P3H4: variants seen among roughly 807,000 people sequenced by gnomAD.
P3H4 encodes endoplasmic reticulum protein SC65.
In P3H4, 47 loss-of-function variants were observed where a neutral mutation model predicts 52.9. The observed-to-expected ratio is 0.89, with a 90% confidence interval of 0.70 to 1.13. The LOEUF (loss-of-function observed/expected upper bound fraction) is 1.13. Ranked by LOEUF, P3H4 falls within the 50% of genes most tolerant of loss-of-function variation. The pLI is 0.00. For missense variants in P3H4, 585 were observed against 611.0 expected (o/e 0.96, Z 0.45); for synonymous variants, 256 against 267.9 (o/e 0.96, Z 0.44).
chr17:41,811,339 C>G lies in P3H4; in HGVS notation c.463-55G>C. The G allele has an allele frequency of 6.2e-7, 1 of 1,608,490 alleles. No individual in the cohort carries two copies. Among genetic ancestry groups the G allele is most frequent in the Non-Finnish European group, 8.5e-7 (1 of 1,177,428 alleles). On this transcript the variant is annotated intron_variant, in intron 1 of 7. Coordinates refer to ENST00000393928, the MANE Select transcript of P3H4 (RefSeq NM_006455.3). The surrounding 1 kb of genome is among the most constrained non-coding windows in gnomAD (Gnocchi z 4.8). The stretch of plus-strand genomic sequence containing the variant: ...GGTCAGCAAGACCGGAGCTCGCGGC[C>G]CCGAGCGCACGGCGGGCTTCGTGCC...
intron 6 of P3H4, among the ~76,000 whole-genome samples, chr17:41,804,159 G>A (rs1405915427): frequency 2.0e-5 from 3 of 151,800 alleles, no homozygotes; most frequent in Admixed American, 2.0e-4. Flanking sequence ...CACCGTGTTA[G>A]CCAGGATGGT....
intron 4 of P3H4, 80 bp from the exon 5 acceptor site, chr17:41,808,084 C>A: frequency 1.3e-6 from 2 of 1,512,762 alleles, no homozygotes; most frequent in Non-Finnish European, 1.8e-6. Context: ...AGTCCAGCAC[C>A]CCTGCTACCC....
At chr17:41,804,889 C>T (rs1255804072) in intron 6 of P3H4, among the ~76,000 whole-genome samples, 1 of 151,974 alleles carries the variant, frequency 6.6e-6, no homozygotes, top group Non-Finnish European at 1.5e-5. Context: ...AGGAGGATCT[C>T]TTCAACCCAA....
chr17:41,804,834 C>CAAAATAAA, intron 6 of P3H4, among the ~76,000 whole-genome samples: 1 of 151,464 alleles, frequency 6.6e-6, no homozygotes, highest in Non-Finnish European at 1.5e-5. Flanking sequence ...ATTGGCTGGA[C>CAAAATAAA]ATGGTGGCGC....
chr17:41,806,842 C>T lies in P3H4; in HGVS notation c.1100G>A (p.Arg367Gln), dbSNP rs782133230. The T allele has an allele frequency of 5.0e-6, 8 of 1,613,802 alleles. No individual in the cohort carries two copies. In the East Asian group the frequency reaches 6.7e-5, roughly 13 times the overall value. The change falls in exon 6 of 8, where the codon CGG (arginine) becomes CAG (glutamine). Residue 367 changes from arginine (R) to glutamine (Q), a missense_variant. Transcript: ENST00000393928. Reference protein sequence around the residue: ...MLYHNQTAELRELLEFTHMYL... With the variant: ...MLYHNQTAELQELLEFTHMYL... Reference sequence around the variant, plus strand: ...CATGTGGGTGAACTCCAGCAGCTCCCGCAGCTCGGCGGTCTGGTTGTGGTA... The same window carrying T: ...CATGTGGGTGAACTCCAGCAGCTCCTGCAGCTCGGCGGTCTGGTTGTGGTA...
At position 41,811,809 on chromosome 17, in the gene P3H4, A is replaced by C; in HGVS notation, c.107T>G (p.Leu36Arg). 1 of 1,537,396 alleles carries C rather than the reference A, an allele frequency of 6.5e-7. No individual in the cohort carries two copies. Among genetic ancestry groups the C allele is most frequent in the Non-Finnish European group, 8.7e-7 (1 of 1,153,594 alleles). The change falls in exon 1 of 8, where the codon CTG (leucine) becomes CGG (arginine). Residue 36 changes from leucine to arginine, a missense_variant. Transcript: ENST00000393928. The surrounding 1 kb of genome is among the most constrained non-coding windows in gnomAD (Gnocchi z 4.8). ...CAGAGCGTGCCCGTACGCCGCGGCCAGCGGCATCAGGTCCTCGGGCGGGAA... is the reference window on the plus strand; with the variant it reads ...CAGAGCGTGCCCGTACGCCGCGGCCCGCGGCATCAGGTCCTCGGGCGGGAA... ...RGFPPEDLMP[L>R]AAAYGHALEQ...
rs782598512 is a variant in P3H4 at position 41,803,020 on chromosome 17, C to T, written c.1292-41G>A. 3.1e-6 allele frequency: 5 copies of T among 1,604,802 alleles called. No homozygotes were observed. In the Admixed American group the frequency reaches 8.8e-5, roughly 28 times the overall value. ...GAAAGCACTGGGGTTGCTCCCCCAC[C>T]CACTCCCAATGGGTGTCCAGGTGCT... On this transcript the variant is annotated intron_variant, in intron 7 of 7. Coordinates refer to ENST00000393928, the MANE Select transcript of P3H4 (RefSeq NM_006455.3).
rs781827205 is a variant in P3H4, at chr17:41,811,656, G to A, written c.260C>T (p.Ala87Val). ...HANCSGPAPA[A>V]KPDPDGGRAD... ...GCGGCCGCCGTCGGGATCGGGCTTGGCCGCGGGCGCGGGGCCGCTGCAGTT... is the reference window on the plus strand; with the variant it reads ...GCGGCCGCCGTCGGGATCGGGCTTGACCGCGGGCGCGGGGCCGCTGCAGTT... Residue 87 changes from alanine to valine, a missense_variant, in exon 1 of 8, where the codon GCC (alanine) becomes GTC (valine). Ala to Val is a moderately conservative substitution (Grantham distance 64). Coordinates refer to ENST00000393928, the MANE Select transcript of P3H4 (RefSeq NM_006455.3). The surrounding 1 kb of genome is among the most constrained non-coding windows in gnomAD (Gnocchi z 4.8). The A allele has an allele frequency of 2.5e-4, 354 of 1,431,402 alleles. No individual in the cohort carries two copies. Among genetic ancestry groups the A allele is most frequent in the Non-Finnish European group, 2.8e-4 (313 of 1,103,950 alleles). 88.7% of individuals were successfully genotyped at this position (1,431,402 alleles called of 1,614,324 possible). A position where few individuals can be genotyped will look rare whatever the true frequency, so the allele number is the denominator to read the frequency against.
At chr17:41,803,463 G>A (rs782421613) in intron 6 of P3H4, 32 bp from the exon 7 acceptor site, 4 of 1,608,846 alleles carry the variant, frequency 2.5e-6, no homozygotes, top group African/African-American at 1.3e-5. Context: ...GGGAGAAACC[G>A]GGTCACAGTA....
Position 41,802,732 on chromosome 17 carries a change from G to T in P3H4, c.*225C>A. 1 of 488,712 alleles carries T rather than the reference G, an allele frequency of 2.0e-6. No homozygotes were observed. The highest frequency in any genetic ancestry group is 3.6e-6 in the Non-Finnish European group (1 of 279,958). The allele number at this position is 488,712 out of a possible 1,614,324, so 30.3% of individuals were successfully genotyped here. A position where few individuals can be genotyped will look rare whatever the true frequency, so the allele number is the denominator to read the frequency against. On this transcript the variant is annotated 3_prime_UTR_variant, in exon 8 of 8. Transcript: ENST00000393928. ...ACACCCGGCTAATTTATGTATTTTAGTAGAGACGGAGGTCTCATCATGTTG... is the reference window on the plus strand; with the variant it reads ...ACACCCGGCTAATTTATGTATTTTATTAGAGACGGAGGTCTCATCATGTTG...
chr17:41,811,038 G>A lies in P3H4; in HGVS notation c.616-4C>T. ...TCACAGCCCGGAGGAACACGGCCTG[G>A]AAGGGGCGTGGCAGGGGGAGTCAGG... On this transcript the variant is annotated splice_region_variant and splice_polypyrimidine_tract_variant and intron_variant, in intron 2 of 7. Transcript: ENST00000393928. The surrounding 1 kb of genome is among the most constrained non-coding windows in gnomAD (Gnocchi z 4.8). 1 of 1,610,754 alleles carries A rather than the reference G, an allele frequency of 6.2e-7. No individual in the cohort carries two copies. The highest frequency in any genetic ancestry group is 8.5e-7 in the Non-Finnish European group (1 of 1,177,422).
At chr17:41,805,806 C>T (rs1280302184) in intron 6 of P3H4, among the ~76,000 whole-genome samples, 1 of 151,462 alleles carries the variant, frequency 6.6e-6, no homozygotes, top group African/African-American at 2.4e-5. Context: ...AGATTCTGCC[C>T]TCCTCCTCTG....
chr17:41,811,530 G>A lies in P3H4; in HGVS notation c.386C>T (p.Pro129Leu), dbSNP rs782337160. ...ACGCAGCAGCTGCCGCGGCGGGTAG[G>A]GCACCTGGAAGGCGGGCAGCGTCCG... ...CKRTLPAFQV[P>L]YPPRQLLRDF... Residue 129 changes from proline (P) to leucine (L), a missense_variant, in exon 1 of 8, where the codon CCC (proline) becomes CTC (leucine). Physicochemically the swap from Pro to Leu is moderately conservative, Grantham distance 98 (BLOSUM62 -3). Coordinates refer to ENST00000393928, the MANE Select transcript of P3H4 (RefSeq NM_006455.3). This position sits in a 1 kb window ranked among gnomAD's most constrained non-coding sequence, Gnocchi z 4.8. 2.0e-5 allele frequency: 32 copies of A among 1,611,306 alleles called. No individual in the cohort carries two copies. The highest frequency in any genetic ancestry group is 5.9e-6 in the Non-Finnish European group (7 of 1,179,480).
Position 41,802,960 on chromosome 17 carries a change from T to C in P3H4, c.1311A>G (p.Ala437=). The C allele has an allele frequency of 1.9e-6, 3 of 1,611,850 alleles. No homozygotes were observed. Among genetic ancestry groups the C allele is most frequent in the Admixed American group, 3.4e-5 (2 of 59,262 alleles). The stretch of plus-strand genomic sequence containing the variant: ...AGCGGTGTGGGGTGTCCCCTTCTCA[T>C]GCGAGTTCAGGCTCTGGCTCTGAAA... The part of the protein sequence containing the change: ...EAEAEPEPEL[A] Residue 437 remains alanine, a synonymous_variant, in exon 8 of 8, where the codon GCA becomes GCG. Transcript: ENST00000393928.
At chr17:41,805,005 G>A (rs528771417) in intron 6 of P3H4, among the ~76,000 whole-genome samples, 33 of 151,248 alleles carry the variant, frequency 2.2e-4, no homozygotes, top group Non-Finnish European at 4.9e-4. Context: ...CATACTTGAG[G>A]CCGGGTGTGG....
chr17:41,806,441 C>A (rs1010329228), intron 6 of P3H4, among the ~76,000 whole-genome samples: 17 of 151,994 alleles, frequency 1.1e-4, no homozygotes, highest in Admixed American at 3.9e-4. Context: ...CTGAGATGGA[C>A]GAGGGCTGCA....
At position 41,811,703 on chromosome 17, in the gene P3H4, G is replaced by C; in HGVS notation, c.213C>G (p.Asp71Glu). The C allele has an allele frequency of 6.8e-7, 1 of 1,475,006 alleles. No individual in the cohort carries two copies. Among genetic ancestry groups the C allele is most frequent in the Non-Finnish European group, 8.9e-7 (1 of 1,124,440 alleles). The allele number at this position is 1,475,006 out of a possible 1,614,324, so 91.4% of individuals were successfully genotyped here. The change falls in exon 1 of 8, where the codon GAC becomes GAG. Residue 71 changes from aspartate (D) to glutamate (E), a missense_variant. Transcript: ENST00000393928. This position sits in a 1 kb window ranked among gnomAD's most constrained non-coding sequence, Gnocchi z 4.8. ...AGTTGGCGTGGCAGAAGGCCTCGCT[G>C]TCGCGCAGGAGCCGGTGCAGCCGCA... ...AALRLHRLLR[D>E]SEAFCHANCS...
In P3H4 at chr17:41,807,925, G is replaced by A; in HGVS notation, c.996C>T (p.Asn332=). The A allele has an allele frequency of 6.2e-7, 1 of 1,614,206 alleles. No individual in the cohort carries two copies. Among genetic ancestry groups the A allele is most frequent in the African/African-American group, 1.3e-5 (1 of 75,060 alleles). ...CCCGGTGGAACCGGTAATACACCAG[G>A]TTCTGCTGCATGACGCTGTCCTTGG... ...FDPKDSVMQQ[N]LVYYRFHRAR... Residue 332 remains asparagine, a synonymous_variant, in exon 5 of 8, where the codon AAC becomes AAT. Transcript: ENST00000393928.
chr17:41,808,041 T>G (rs1309278262), intron 4 of P3H4, 37 bp from the exon 5 acceptor site: 2 of 1,593,096 alleles, frequency 1.3e-6, no homozygotes, highest in Non-Finnish European at 1.7e-6. Context: ...GCTCTGGCAC[T>G]TCCCCTTCAG....
Sources: allele counts gnomAD v4.1 joint callset (sites outside exome capture counted in the v4.1 genomes callset), GRCh38; gene constraint gnomAD v4.1.1; non-coding constraint Gnocchi (gnomAD v3.1); transcripts MANE v1.5; gene names NCBI Gene and HGNC (gene_info 2026-07-23, HGNC 2026-07-21).